EMILIN2: variants seen among roughly 807,000 people sequenced by gnomAD.
EMILIN2 encodes the protein EMILIN-2.
A neutral mutation model predicts 87.1 loss-of-function variants in EMILIN2; 71 were observed. That is an observed-to-expected ratio of 0.82 (90% confidence interval 0.67 to 0.99). The LOEUF (loss-of-function observed/expected upper bound fraction) is 0.99, where lower values mean the gene tolerates loss of function less well. EMILIN2 is among the 50% of genes least tolerant of loss of function. The probability of loss-of-function intolerance (pLI) is 0.00; values close to 1 mark genes in which losing one functional copy is unlikely to be tolerated. For missense variants in EMILIN2, 1,407 were observed against 1,371.8 expected, an observed-to-expected ratio of 1.03 and a Z score of -0.40; for synonymous variants, 581 against 563.4, an observed-to-expected ratio of 1.03 and a Z score of -0.44.
chr18:2,881,798 A>G (rs112592105), intron 2 of EMILIN2, among the ~76,000 whole-genome samples: 1 of 152,256 alleles, frequency 6.6e-6, no homozygotes, highest in Non-Finnish European at 1.5e-5. Context: ...TTGAGAACGC[A>G]AAACAATCCA....
Position 2,848,138 on chromosome 18 carries a change from G to A in EMILIN2, c.257+207G>A, listed in dbSNP as rs1172354316. On this transcript the variant is annotated intron_variant, in intron 2 of 7. Coordinates refer to ENST00000254528, the MANE Select transcript of EMILIN2 (RefSeq NM_032048.3). The surrounding 1 kb of genome is among the most constrained non-coding windows in gnomAD (Gnocchi z 4.1). ...AGTGGGTGCTGCCCGAGTGAGTGGG[G>A]AGGATGCGCGCGCCTCGGGAGTGTG... Among the ~76,000 whole-genome samples, 3 of 152,242 alleles carry A rather than the reference G, an allele frequency of 2.0e-5. No homozygotes were observed. Among genetic ancestry groups the A allele is most frequent in the South Asian group, 4.1e-4 (2 of 4,836 alleles).
At chr18:2,851,296 A>G (rs922104533) in intron 2 of EMILIN2, among the ~76,000 whole-genome samples, 2 of 151,840 alleles carry the variant, frequency 1.3e-5, no homozygotes, top group East Asian at 3.9e-4. Flanking sequence ...ATAGCAGGGC[A>G]TGGTGGTGCA....
chr18:2,902,137 C>T (rs1205010919), intron 4 of EMILIN2, among the ~76,000 whole-genome samples: 1 of 152,212 alleles, frequency 6.6e-6, no homozygotes, highest in East Asian at 1.9e-4. Flanking sequence ...GGTATCAGAA[C>T]TGCCTTGTTA....
In EMILIN2 at chr18:2,868,702, A is replaced by G. The variant is rs373965893; in HGVS notation, c.258-16262A>G. Among the ~76,000 whole-genome samples the G allele has an allele frequency of 8.3e-4, 127 of 152,292 alleles. 2 individuals are homozygous for G. The East Asian group carries it at 0.023, about 28-fold the overall frequency. ...TCGCAGGCACTCGGCAGGCTGAGGC[A>G]GGAGAATCAGGCAGGGAGGCTGCAG... On this transcript the variant is annotated intron_variant, in intron 2 of 7. Coordinates refer to ENST00000254528, the MANE Select transcript of EMILIN2 (RefSeq NM_032048.3).
In EMILIN2 at chr18:2,853,265, TA is replaced by T. The variant is rs141026895; in HGVS notation, c.257+5339del. On this transcript the variant is annotated intron_variant, in intron 2 of 7. Transcript: ENST00000254528. ...ATTGGGGAATTTTCCCAATTAATCC[TA>T]AAAACCCTTGGCAGCTTGAACAGTC... Among the ~76,000 whole-genome samples, 1,053 of 152,276 alleles carry T rather than the reference TA, an allele frequency of 6.9e-3. 22 individuals are homozygous for T. The highest frequency in any genetic ancestry group is 0.024 in the African/African-American group (988 of 41,556).
intron 2 of EMILIN2, among the ~76,000 whole-genome samples, chr18:2,873,460 C>A (rs2076731136): frequency 1.3e-5 from 2 of 151,370 alleles, no homozygotes; most frequent in African/African-American, 4.9e-5. Context: ...ATAATCCCAG[C>A]ACTTTGGGAG....
Position 2,891,156 on chromosome 18 carries a change from A to G in EMILIN2, c.1029A>G (p.Ser343=). The change falls in exon 4 of 8, where the codon TCA becomes TCG. Residue 343 remains serine, a synonymous_variant. Coordinates refer to ENST00000254528, the MANE Select transcript of EMILIN2 (RefSeq NM_032048.3). This position sits in a 1 kb window ranked among gnomAD's most constrained non-coding sequence, Gnocchi z 4.6. ...MDRKLADLKN[S]CEYKLTGLQQ... ...GAAAGCTGGCTGACCTGAAAAACTC[A>G]TGTGAGTACAAGCTCACTGGCCTCC... The G allele has an allele frequency of 6.2e-7, 1 of 1,614,236 alleles. No homozygotes were observed. The highest frequency in any genetic ancestry group is 8.5e-7 in the Non-Finnish European group (1 of 1,180,046).
At chr18:2,869,854 G>A (rs1380037536) in intron 2 of EMILIN2, among the ~76,000 whole-genome samples, 1 of 151,752 alleles carries the variant, frequency 6.6e-6, no homozygotes, top group East Asian at 1.9e-4. Flanking sequence ...GTGAAATACA[G>A]AGTGGGCAAA....
chr18:2,853,397 G>A (rs1305286070), intron 2 of EMILIN2, among the ~76,000 whole-genome samples: 1 of 152,174 alleles, frequency 6.6e-6, no homozygotes, highest in East Asian at 1.9e-4. Context: ...TGCTGTAAAA[G>A]TGCAGAGGTT....
Position 2,847,723 on chromosome 18 carries a change from G to C in EMILIN2, c.135-86G>C. ...GACGGGCCCCCCCGACCCTCGCTCG[G>C]TCTGGTGCCGCAGTCCCCTCTCCCC... On this transcript the variant is annotated intron_variant, in intron 1 of 7. Coordinates refer to ENST00000254528, the MANE Select transcript of EMILIN2 (RefSeq NM_032048.3). The surrounding 1 kb of genome is among the most constrained non-coding windows in gnomAD (Gnocchi z 4.5). 1.3e-6 allele frequency: 2 copies of C among 1,531,356 alleles called. No individual in the cohort carries two copies. Among genetic ancestry groups the C allele is most frequent in the African/African-American group, 1.4e-5 (1 of 72,642 alleles). The allele number at this position is 1,531,356 out of a possible 1,614,324, so 94.9% of individuals were successfully genotyped here. A position where few individuals can be genotyped will look rare whatever the true frequency, so the allele number is the denominator to read the frequency against.
Position 2,913,637 on chromosome 18 carries a change from A to G in EMILIN2, c.*233A>G, listed in dbSNP as rs2076953358. ...ACTTTTCTGCCACTCTAACTGGACA[A>G]CTGGAAGACTTGGAAAGGCCTCCAC... On this transcript the variant is annotated 3_prime_UTR_variant, in exon 8 of 8. Transcript: ENST00000254528. The G allele has an allele frequency of 6.3e-6, 3 of 478,978 alleles. No individual in the cohort carries two copies. Among genetic ancestry groups the G allele is most frequent in the Non-Finnish European group, 3.7e-6 (1 of 269,858 alleles). 29.7% of individuals were successfully genotyped at this position (478,978 alleles called of 1,614,324 possible).
chr18:2,866,015 C>CGGGATATAATCTGGTGT (rs2076685031), intron 2 of EMILIN2, among the ~76,000 whole-genome samples: 1 of 152,142 alleles, frequency 6.6e-6, no homozygotes, highest in East Asian at 1.9e-4. Flanking sequence ...GAGCCTGGTG[C>CGGGATATAATCTGGTGT]GGGATATAAT....
intron 2 of EMILIN2, among the ~76,000 whole-genome samples, chr18:2,876,279 C>G (rs566874340): frequency 6.6e-6 from 1 of 151,718 alleles, no homozygotes; most frequent in Non-Finnish European, 1.5e-5. Context: ...ACGCGCCCGG[C>G]CAGGGTTTTA....
intron 4 of EMILIN2, among the ~76,000 whole-genome samples, chr18:2,897,679 A>G (rs540431023): frequency 6.6e-6 from 1 of 152,308 alleles, no homozygotes; most frequent in East Asian, 1.9e-4. Context: ...CAGCCTGGGC[A>G]ACACAGTGAG....
intron 4 of EMILIN2, among the ~76,000 whole-genome samples, chr18:2,900,823 A>G (rs1375651589): frequency 1.3e-5 from 2 of 152,130 alleles, no homozygotes; most frequent in East Asian, 3.9e-4. Context: ...AGCATCTTCC[A>G]TCCATCCGCC....
At position 2,909,819 on chromosome 18, in the gene EMILIN2, G is replaced by A. The variant is rs775380987; in HGVS notation, c.2824G>A (p.Gly942Arg). The change falls in exon 7 of 8, where the codon GGG (glycine) becomes AGG (arginine). Residue 942 changes from glycine to arginine, a missense_variant and splice_region_variant. Coordinates refer to ENST00000254528, the MANE Select transcript of EMILIN2 (RefSeq NM_032048.3). ...NDGDVYNPST[G>R]VFTAPYDGRY... ...CGGGGATGTTTACAACCCCAGCACC[G>A]GTGAGTGTTTGAACGGAACTGGTAC... The A allele has an allele frequency of 3.7e-6, 6 of 1,612,970 alleles. No homozygotes were observed. The highest frequency in any genetic ancestry group is 1.7e-5 in the Admixed American group (1 of 59,754).
chr18:2,890,469 A>G lies in EMILIN2; in HGVS notation c.434-92A>G, dbSNP rs1372830397. The G allele has an allele frequency of 2.0e-5, 29 of 1,423,014 alleles. No homozygotes were observed. The highest frequency in any genetic ancestry group is 2.2e-4 in the Middle Eastern group (1 of 4,504). The allele number at this position is 1,423,014 out of a possible 1,614,324, so 88.1% of individuals were successfully genotyped here. ...TAGTGACCTGTAAGTGAAGATGTAC[A>G]TGTATTTTGTAGGTACCTTGTTTAT... On this transcript the variant is annotated intron_variant, in intron 3 of 7. Transcript: ENST00000254528. This position sits in a 1 kb window ranked among gnomAD's most constrained non-coding sequence, Gnocchi z 4.7.
At chr18:2,866,272 G>C (rs112726381) in intron 2 of EMILIN2, among the ~76,000 whole-genome samples, 19 of 152,344 alleles carry the variant, frequency 1.2e-4, no homozygotes, top group Non-Finnish European at 2.4e-4. Context: ...GAAATCACCT[G>C]TCTTCTGCGT....
rs1449700100 is a variant in EMILIN2, at chr18:2,915,301, G to C, written c.*1897G>C. 3 of 152,244 alleles carry C rather than the reference G, an allele frequency of 2.0e-5. No homozygotes were observed. Among genetic ancestry groups the C allele is most frequent in the African/African-American group, 7.2e-5 (3 of 41,454 alleles). 9.4% of individuals were successfully genotyped at this position (152,244 alleles called of 1,614,324 possible). A position where few individuals can be genotyped will look rare whatever the true frequency, so the allele number is the denominator to read the frequency against. On this transcript the variant is annotated 3_prime_UTR_variant, in exon 8 of 8. Coordinates refer to ENST00000254528, the MANE Select transcript of EMILIN2 (RefSeq NM_032048.3). ...TATGGCTGGAGCGTGCCTCTACTTT[G>C]AGATAAAGCTGGATGACAGGTGGAT...
Sources: allele counts gnomAD v4.1 joint callset (sites outside exome capture counted in the v4.1 genomes callset), GRCh38; gene constraint gnomAD v4.1.1; non-coding constraint Gnocchi (gnomAD v3.1); transcripts MANE v1.5; gene names NCBI Gene and HGNC (gene_info 2026-07-23, HGNC 2026-07-21).